Variants in ZNF521 observed in about 807,000 individuals in gnomAD.
The protein encoded by ZNF521 is zinc finger protein 521, also known as LYST-interacting protein 3.
ZNF521 carries 14 observed loss-of-function variants against 105.5 expected under a neutral mutation model. The ratio of observed to expected loss-of-function variants is 0.13; its 90% CI spans 0.09 to 0.21. The LOEUF is 0.21. Among genes scored for constraint, ZNF521 ranks in the 10% least tolerant of loss-of-function variants. ZNF521 has a pLI of 1.00. For missense variants in ZNF521, 1,233 were observed against 1,629.7 expected, an observed-to-expected ratio of 0.76 and a Z score of 4.19; for synonymous variants, 635 against 606.0, an observed-to-expected ratio of 1.05 and a Z score of -0.70.
chr18:25,070,965 A>C (rs989061856), intron 7 of ZNF521, among the ~76,000 whole-genome samples: 6 of 152,124 alleles, frequency 3.9e-5, no homozygotes, highest in African/African-American at 1.2e-4. Context: ...TGTAATGAGG[A>C]GGTCTTGTTA....
chr18:25,280,159 G>A (rs955899278), intron 3 of ZNF521, among the ~76,000 whole-genome samples: 2 of 152,132 alleles, frequency 1.3e-5, no homozygotes, highest in African/African-American at 2.4e-5. Context: ...TCGCTGCTCC[G>A]CAGCCCTGAC....
At chr18:25,236,063 A>G (rs141125390) in intron 3 of ZNF521, among the ~76,000 whole-genome samples, 184 of 152,316 alleles carry the variant, frequency 1.2e-3, no homozygotes, top group African/African-American at 4.1e-3. Flanking sequence ...TTGTTAAAGC[A>G]CAGACTGACT....
intron 5 of ZNF521, among the ~76,000 whole-genome samples, chr18:25,168,052 G>A (rs184689125): frequency 1.2e-4 from 18 of 152,266 alleles, no homozygotes; most frequent in East Asian, 5.8e-4. Context: ...AAGAGACTCC[G>A]AGTCAGTCTT....
At chr18:25,084,264 G>C (rs1235515596) in intron 7 of ZNF521, among the ~76,000 whole-genome samples, 1 of 150,922 alleles carries the variant, frequency 6.6e-6, no homozygotes, top group African/African-American at 2.4e-5. Context: ...AGGACCAGTA[G>C]CTAAGTTAGC....
At chr18:25,089,083 GACA>G (rs1282410669) in intron 7 of ZNF521, among the ~76,000 whole-genome samples, 2 of 152,104 alleles carry the variant, frequency 1.3e-5, no homozygotes, top group Admixed American at 1.3e-4. Context: ...AGCCCCTCAG[GACA>G]ACAATAACCT....
At position 25,259,796 on chromosome 18, in the gene ZNF521, C is replaced by T. The variant is rs559856261; in HGVS notation, c.221-32099G>A. The stretch of plus-strand genomic sequence containing the variant: ...AGTTCACAGAGAATGTGGTCGTGGA[C>T]GCACCTAGACTGGGGCTCAGTGAAG... On this transcript the variant is annotated intron_variant, in intron 3 of 7. Transcript: ENST00000361524. 4.7e-4 allele frequency among the ~76,000 whole-genome samples: 71 copies of T among 152,196 alleles called. No individual in the cohort carries two copies. In the South Asian group the frequency reaches 0.011, roughly 24 times the overall value.
Position 25,322,125 on chromosome 18 carries a change from G to T in ZNF521, c.103C>A (p.Pro35Thr), listed in dbSNP as rs1291558191. The stretch of plus-strand genomic sequence containing the variant: ...TCTTCCAACTCCTCCCCGTCTTCCG[G>T]CCTCTTCTTACAATCTAGTGCCTCT... ...DGEALDCKKRPEDGEELEDEA... is the reference protein window; with the variant it reads ...DGEALDCKKRTEDGEELEDEA... The change falls in exon 3 of 8, where the codon CCG (proline) becomes ACG (threonine). Residue 35 changes from proline to threonine, a missense_variant. Physicochemically the swap from Pro to Thr is conservative, Grantham distance 38. This residue lies in a region of ZNF521 where 76 missense variants were observed against 79.3 expected (regional missense o/e 0.96). Coordinates refer to ENST00000361524, the MANE Select transcript of ZNF521 (RefSeq NM_015461.3). 1.1e-5 allele frequency: 18 copies of T among 1,614,098 alleles called. No individual in the cohort carries two copies. The highest frequency in any genetic ancestry group is 1.5e-5 in the Non-Finnish European group (18 of 1,180,008).
chr18:25,179,849 C>T (rs954144841), intron 5 of ZNF521, among the ~76,000 whole-genome samples: 3 of 152,022 alleles, frequency 2.0e-5, no homozygotes, highest in African/African-American at 4.8e-5. Context: ...CACAGATGTA[C>T]GCATGTGACA....
At chr18:25,333,118 T>G (rs1173712404) in intron 2 of ZNF521, among the ~76,000 whole-genome samples, 1 of 151,818 alleles carries the variant, frequency 6.6e-6, no homozygotes, top group Non-Finnish European at 1.5e-5. Flanking sequence ...TTTTATCGTA[T>G]AATGCTATAT....
chr18:25,341,947 C>T (rs1914224258), intron 2 of ZNF521, among the ~76,000 whole-genome samples: 1 of 152,118 alleles, frequency 6.6e-6, no homozygotes, highest in South Asian at 2.1e-4. Context: ...CAAAACACAA[C>T]AAAACAAAAA....
chr18:25,099,243 A>G (rs572964285), intron 5 of ZNF521, among the ~76,000 whole-genome samples: 10 of 152,348 alleles, frequency 6.6e-5, no homozygotes, highest in African/African-American at 2.4e-4. Flanking sequence ...TTTCATCAGA[A>G]TAAAATGCCA....
intron 2 of ZNF521, among the ~76,000 whole-genome samples, chr18:25,331,482 T>G (rs147272808): frequency 2.0e-4 from 31 of 152,310 alleles, no homozygotes; most frequent in African/African-American, 6.5e-4. Context: ...ATTTGGACAT[T>G]TGCGAAAGAA....
intron 7 of ZNF521, among the ~76,000 whole-genome samples, chr18:25,081,193 C>T (rs1444508692): frequency 1.3e-5 from 2 of 152,184 alleles, no homozygotes; most frequent in Non-Finnish European, 2.9e-5. Context: ...TGGCTGGATG[C>T]TCCATAAAGC....
intron 7 of ZNF521, among the ~76,000 whole-genome samples, chr18:25,079,454 C>T (rs2033440312): frequency 1.3e-5 from 2 of 152,226 alleles, no homozygotes; most frequent in African/African-American, 4.8e-5. Flanking sequence ...TTCTAATCGA[C>T]ATTTTCTAAA....
In ZNF521 at chr18:25,223,554, T is replaced by C. The variant is rs376975410; in HGVS notation, c.3573+791A>G. On this transcript the variant is annotated intron_variant, in intron 4 of 7. Transcript: ENST00000361524. ...CTTTTAGAAACCAGGTGATAAAGCATAAAGAAATATTAAAATGAGCCATCC... is the reference window on the plus strand; with the variant it reads ...CTTTTAGAAACCAGGTGATAAAGCACAAAGAAATATTAAAATGAGCCATCC... Among the ~76,000 whole-genome samples the C allele has an allele frequency of 9.9e-5, 15 of 152,276 alleles. No homozygotes were observed. In the South Asian group the frequency reaches 2.9e-3, roughly 29 times the overall value.
intron 5 of ZNF521, among the ~76,000 whole-genome samples, chr18:25,165,570 T>C (rs1228728877): frequency 1.3e-5 from 2 of 152,208 alleles, no homozygotes; most frequent in African/African-American, 2.4e-5. Flanking sequence ...CTTGATACAG[T>C]GGCCAAGAGG....
chr18:25,104,856 T>C (rs1011565165), intron 5 of ZNF521, among the ~76,000 whole-genome samples: 7 of 152,180 alleles, frequency 4.6e-5, no homozygotes, highest in Non-Finnish European at 1.5e-5. Context: ...AGTGAATACA[T>C]AATTTCAGCA....
chr18:25,348,919 C>G (rs1185584907), intron 2 of ZNF521, among the ~76,000 whole-genome samples: 1 of 152,214 alleles, frequency 6.6e-6, no homozygotes. Flanking sequence ...GAGAAGAAAT[C>G]ATCTTCAGGA....
chr18:25,135,888 T>C (rs1446419728), intron 5 of ZNF521, among the ~76,000 whole-genome samples: 1 of 152,202 alleles, frequency 6.6e-6, no homozygotes, highest in Non-Finnish European at 1.5e-5. Context: ...TTAATATATA[T>C]GTCAGCTTAG....
Sources: gnomAD v4.1 joint callset for allele counts (sites outside exome capture counted in the v4.1 genomes callset) on GRCh38, gnomAD v4.1.1 for gene constraint, gnomAD v4.1.1 regional missense constraint, MANE v1.5 for transcripts, NCBI Gene and HGNC (gene_info 2026-07-23, HGNC 2026-07-21) for gene names.